BRCA2: variants seen among roughly 807,000 people sequenced by gnomAD.
BRCA2 encodes the protein BRCA2 DNA repair associated.
Under a neutral mutation model 276.7 loss-of-function variants are expected in BRCA2, and 203 were observed. That is an observed-to-expected ratio of 0.73 (90% CI 0.65 to 0.82). The LOEUF (loss-of-function observed/expected upper bound fraction) is 0.82. BRCA2 is among the 40% of genes least tolerant of loss of function. The probability of loss-of-function intolerance (pLI) is 0.00; values close to 1 mark genes in which losing one functional copy is unlikely to be tolerated. For missense variants in BRCA2, 3,920 were observed against 3,915.0 expected, an observed-to-expected ratio of 1.00 and a Z score of -0.03; for synonymous variants, 1,289 against 1,338.4, an observed-to-expected ratio of 0.96 and a Z score of 0.81.
rs2072661937 is a variant in BRCA2 at position 32,352,839 on chromosome 13, G to A, written c.7008-2022G>A. 2.6e-5 allele frequency among the ~76,000 whole-genome samples: 4 copies of A among 152,088 alleles called. No individual in the cohort carries two copies. The South Asian group carries it at 8.3e-4, about 32-fold the overall frequency. ...TCTTAACCTAGCAGAGGAGGTAGAGGGTAGAGAATGATTGAGATAGAAATT... is the reference window on the plus strand; with the variant it reads ...TCTTAACCTAGCAGAGGAGGTAGAGAGTAGAGAATGATTGAGATAGAAATT... On this transcript the variant is annotated intron_variant, in intron 13 of 26. Coordinates refer to ENST00000380152, the MANE Select transcript of BRCA2 (RefSeq NM_000059.4).
intron 11 of BRCA2, among the ~76,000 whole-genome samples, chr13:32,344,166 GAAAA>G (rs34225677): frequency 2.9e-5 from 4 of 137,522 alleles, no homozygotes; most frequent in East Asian, 2.1e-4. Flanking sequence ...CCCCCGTGCT[GAAAA>G]AAAAAAAAAA....
chr13:32,355,226 A>C lies in BRCA2; in HGVS notation c.7373A>C (p.Asn2458Thr), dbSNP rs786202262. ...AATGACAATGAGATTCATCAGTTTA[A>C]CAAAAACAACTCCAATCAAGCAGTA... ...KINDNEIHQF[N>T]KNNSNQAVAV... The change falls in exon 14 of 27, where the codon AAC becomes ACC. Residue 2458 changes from asparagine to threonine, a missense_variant. By Grantham distance (65) the Asn-to-Thr change is moderately conservative. Transcript: ENST00000380152. The C allele has an allele frequency of 6.2e-7, 1 of 1,612,852 alleles. No individual in the cohort carries two copies. The highest frequency in any genetic ancestry group is 1.3e-5 in the African/African-American group (1 of 74,904).
At chr13:32,364,682 A>G (rs1315019755) in intron 18 of BRCA2, among the ~76,000 whole-genome samples, 1 of 151,930 alleles carries the variant, frequency 6.6e-6, no homozygotes, top group African/African-American at 2.4e-5. Flanking sequence ...TGTCCTTTTC[A>G]TTTCTCTTAA....
At chr13:32,326,682 C>A (rs2137453438) in intron 7 of BRCA2, 69 bp downstream of exon 7, 4 of 1,176,532 alleles carry the variant, frequency 3.4e-6, no homozygotes, top group Non-Finnish European at 4.9e-6. Context: ...TCTAATACTT[C>A]TGTTAAAAGG....
intron 13 of BRCA2, among the ~76,000 whole-genome samples, chr13:32,351,119 T>C (rs971344727): frequency 6.6e-6 from 1 of 152,208 alleles, no homozygotes; most frequent in East Asian, 1.9e-4. Flanking sequence ...CAGCAGCCGC[T>C]CGGCTCCACT....
chr13:32,322,893 G>T (rs1436184236), intron 3 of BRCA2, among the ~76,000 whole-genome samples: 1 of 152,160 alleles, frequency 6.6e-6, no homozygotes, highest in Non-Finnish European at 1.5e-5. Context: ...TCACATACAG[G>T]TTTGTGTGTG....
intron 24 of BRCA2, among the ~76,000 whole-genome samples, chr13:32,381,897 GGGAC>G (rs1278022721): frequency 6.6e-6 from 1 of 152,192 alleles, no homozygotes; most frequent in Non-Finnish European, 1.5e-5. Flanking sequence ...TGAAGGTAGG[GGGAC>G]GGTGCAGGAT....
At chr13:32,376,551 A>G (rs1402757784) in intron 20 of BRCA2, 119 bp from the exon 21 acceptor site, 19 of 1,070,206 alleles carry the variant, frequency 1.8e-5, no homozygotes, top group Non-Finnish European at 2.2e-5. Flanking sequence ...AACTTTTAGC[A>G]GTTATATAGT....
At position 32,398,917 on chromosome 13, in the gene BRCA2, G is replaced by A; in HGVS notation, c.*147G>A. 9.3e-7 allele frequency: 1 copy of A among 1,079,818 alleles called. No homozygotes were observed. Among genetic ancestry groups the A allele is most frequent in the Non-Finnish European group, 1.3e-6 (1 of 783,028 alleles). The allele number at this position is 1,079,818 out of a possible 1,614,324, so 66.9% of individuals were successfully genotyped here. On this transcript the variant is annotated 3_prime_UTR_variant, in exon 27 of 27. Coordinates refer to ENST00000380152, the MANE Select transcript of BRCA2 (RefSeq NM_000059.4). Reference sequence around the variant, plus strand: ...AATTTACCTCAGCGTTTGTGTATCGGGCAAAAATCGTTTTGCCCGATTCCG... The same window carrying A: ...AATTTACCTCAGCGTTTGTGTATCGAGCAAAAATCGTTTTGCCCGATTCCG...
At chr13:32,367,170 C>A (rs2072788721) in intron 18 of BRCA2, among the ~76,000 whole-genome samples, 1 of 152,146 alleles carries the variant, frequency 6.6e-6, no homozygotes, top group African/African-American at 2.4e-5. Context: ...CACACTGGCC[C>A]ACACCTGTAA....
At position 32,339,121 on chromosome 13, in the gene BRCA2, C is replaced by G. The variant is rs2137509982; in HGVS notation, c.4766C>G (p.Pro1589Arg). The G allele has an allele frequency of 1.2e-6, 2 of 1,613,950 alleles. No homozygotes were observed. Among genetic ancestry groups the G allele is most frequent in the Non-Finnish European group, 1.7e-6 (2 of 1,179,924 alleles). Residue 1589 changes from proline (P) to arginine (R), a missense_variant, in exon 11 of 27, where the codon CCA (proline) becomes CGA (arginine). Pro to Arg is a moderately radical substitution (Grantham distance 103). Coordinates refer to ENST00000380152, the MANE Select transcript of BRCA2 (RefSeq NM_000059.4). ...ACETIEITAA[P>R]KCKEMQNSLN... Reference sequence around the variant, plus strand: ...GAGACCATTGAGATCACAGCTGCCCCAAAGTGTAAAGAAATGCAGAATTCT... The same window carrying G: ...GAGACCATTGAGATCACAGCTGCCCGAAAGTGTAAAGAAATGCAGAATTCT...
chr13:32,355,862 A>G (rs1436512997), intron 14 of BRCA2, among the ~76,000 whole-genome samples: 2 of 151,840 alleles, frequency 1.3e-5, no homozygotes, highest in African/African-American at 4.8e-5. Context: ...CCTGGGCAAC[A>G]AGAGTGAAAA....
rs1267279567 is a variant in BRCA2, at chr13:32,333,480, A to G, written c.1909+93A>G. On this transcript the variant is annotated intron_variant, in intron 10 of 26. Transcript: ENST00000380152. ...TTTTTCTGCTTTTTAAAATCTTCATATCTTATATTTAATCTTAGGCATCAT... is the reference window on the plus strand; with the variant it reads ...TTTTTCTGCTTTTTAAAATCTTCATGTCTTATATTTAATCTTAGGCATCAT... 13 of 1,343,084 alleles carry G rather than the reference A, an allele frequency of 9.7e-6. 1 individual carries two copies. In the South Asian group the frequency reaches 1.3e-4, roughly 14 times the overall value. 83.2% of individuals were successfully genotyped at this position (1,343,084 alleles called of 1,614,324 possible).
intron 21 of BRCA2, 117 bp downstream of exon 21, chr13:32,376,908 G>T: frequency 1.4e-6 from 2 of 1,423,914 alleles, no homozygotes; most frequent in Non-Finnish European, 1.9e-6. Flanking sequence ...TTCTCAAAAG[G>T]GATGTGTACA....
At position 32,335,828 on chromosome 13, in the gene BRCA2, GA is replaced by G. The variant is rs11571649; in HGVS notation, c.1910-436del. On this transcript the variant is annotated intron_variant, in intron 10 of 26. Transcript: ENST00000380152. ...TTAGGATTCTTTCTGCTTTAAATTT[GA>G]CATTCAGTTATTTTCATGTAATTTG... is the stretch of plus-strand genomic sequence containing the variant. Among the ~76,000 whole-genome samples, 1,466 of 152,074 alleles carry G rather than the reference GA, an allele frequency of 9.6e-3. 28 individuals are homozygous for G. The highest frequency in any genetic ancestry group is 0.034 in the African/African-American group (1,408 of 41,458).
At chr13:32,319,025 C>G (rs2138703188) in intron 2 of BRCA2, 52 bp from the exon 3 acceptor site, 1 of 1,604,306 alleles carries the variant, frequency 6.2e-7, no homozygotes, top group Non-Finnish European at 8.5e-7. Flanking sequence ...TTCTGGGTCA[C>G]AAATTTGTCT....
rs2072544288 is a variant in BRCA2 at position 32,340,371 on chromosome 13, A to G, written c.6016A>G (p.Ser2006Gly). 1 of 1,613,986 alleles carries G rather than the reference A, an allele frequency of 6.2e-7. No homozygotes were observed. Among genetic ancestry groups the G allele is most frequent in the East Asian group, 2.2e-5 (1 of 44,846 alleles). ...ACAAGTGTTTTCTGAAATAGAAGAT[A>G]GTACCAAGCAAGTCTTTTCCAAAGT... Reference protein sequence around the residue: ...ARQVFSEIEDSTKQVFSKVLF... With the variant: ...ARQVFSEIEDGTKQVFSKVLF... Residue 2006 changes from serine (S) to glycine (G), a missense_variant, in exon 11 of 27, where the codon AGT (serine) becomes GGT (glycine). Physicochemically the swap from Ser to Gly is moderately conservative, Grantham distance 56. Coordinates refer to ENST00000380152, the MANE Select transcript of BRCA2 (RefSeq NM_000059.4).
intron 13 of BRCA2, among the ~76,000 whole-genome samples, chr13:32,350,666 T>C (rs1389448745): frequency 6.6e-6 from 1 of 151,564 alleles, no homozygotes; most frequent in Non-Finnish European, 1.5e-5. Flanking sequence ...GGCAGGAGAA[T>C]GGCATCAACC....
rs777421358 is a variant in BRCA2 at position 32,337,006 on chromosome 13, C to T, written c.2651C>T (p.Ser884Leu). Residue 884 changes from serine (S) to leucine (L), a missense_variant, in exon 11 of 27, where the codon TCA (serine) becomes TTA (leucine). Ser to Leu is a moderately radical substitution (Grantham distance 145). Transcript: ENST00000380152. ...TVNPDSEELFSDNENNFVFQV... is the reference protein window; with the variant it reads ...TVNPDSEELFLDNENNFVFQV... ...AATCCAGACTCTGAAGAACTTTTCT[C>T]AGACAATGAGAATAATTTTGTCTTC... 12 of 1,588,628 alleles carry T rather than the reference C, an allele frequency of 7.6e-6. No individual in the cohort carries two copies. The South Asian group carries it at 1.4e-4, about 19-fold the overall frequency.
Sources: allele counts gnomAD v4.1 joint callset (sites outside exome capture counted in the v4.1 genomes callset), GRCh38; gene constraint gnomAD v4.1.1; transcripts MANE v1.5; gene names NCBI Gene and HGNC (gene_info 2026-07-23, HGNC 2026-07-21).